Variants in ARF4 observed in about 807,000 individuals in gnomAD.
ARF4 encodes ARF GTPase 4, also known as ADP-ribosylation factor 4.
In ARF4, 5 loss-of-function variants were observed where a neutral mutation model predicts 24.3. The ratio of observed to expected loss-of-function variants is 0.21; its 90% CI spans 0.11 to 0.43. The LOEUF (loss-of-function observed/expected upper bound fraction) is 0.43, where lower values mean the gene tolerates loss of function less well. Among genes scored for constraint, ARF4 ranks in the 20% least tolerant of loss-of-function variants. The pLI is 1.00. For synonymous variants in ARF4, 62 were observed against 73.5 expected (o/e 0.84, Z 0.80); for missense variants, 107 against 213.0 (o/e 0.50, Z 3.10).
chr3:57,577,228 T>C (rs1484354813), intron 4 of ARF4, 88 bp downstream of exon 4: 1 of 1,078,542 alleles, frequency 9.3e-7, no homozygotes, highest in East Asian at 2.4e-5. Flanking sequence ...TTGTGTAATC[T>C]AATCATAGTC....
At chr3:57,585,964 A>T (rs2070032207) in intron 1 of ARF4, among the ~76,000 whole-genome samples, 1 of 152,136 alleles carries the variant, frequency 6.6e-6, no homozygotes, top group African/African-American at 2.4e-5. Flanking sequence ...GTCCGGCCTA[A>T]ATTCTTAAAA....
intron 1 of ARF4, among the ~76,000 whole-genome samples, chr3:57,591,606 A>G (rs1029864948): frequency 2.6e-5 from 4 of 151,984 alleles, no homozygotes; most frequent in African/African-American, 9.7e-5. Context: ...TGCTGGGACT[A>G]CAGGTATCTG....
chr3:57,595,591 T>G (rs182838896), intron 1 of ARF4, among the ~76,000 whole-genome samples: 5 of 152,354 alleles, frequency 3.3e-5, no homozygotes, highest in Admixed American at 1.3e-4. Context: ...ACTGTTACTC[T>G]TTATATACCT....
intron 1 of ARF4, among the ~76,000 whole-genome samples, chr3:57,587,234 G>C (rs532905768): frequency 1.3e-5 from 2 of 149,690 alleles, no homozygotes; most frequent in African/African-American, 4.9e-5. Context: ...CAGGAGACTC[G>C]CTTGAACCCA....
At chr3:57,579,094 C>T (rs757493448) in intron 3 of ARF4, among the ~76,000 whole-genome samples, 3 of 151,510 alleles carry the variant, frequency 2.0e-5, no homozygotes, top group Non-Finnish European at 4.4e-5. Context: ...ATCAGGAGTT[C>T]GAGATCAGCC....
At chr3:57,592,435 C>A (rs2153409443) in intron 1 of ARF4, among the ~76,000 whole-genome samples, 1 of 152,212 alleles carries the variant, frequency 6.6e-6, no homozygotes, top group Middle Eastern at 3.4e-3. Flanking sequence ...TTGCAGTGAC[C>A]TGAGATTGCA....
intron 1 of ARF4, among the ~76,000 whole-genome samples, chr3:57,592,722 A>G (rs1241940099): frequency 6.6e-6 from 1 of 152,196 alleles, no homozygotes; most frequent in East Asian, 1.9e-4. Context: ...CAGTGGCATG[A>G]AACAGGATTT....
intron 1 of ARF4, among the ~76,000 whole-genome samples, chr3:57,587,106 G>T (rs1239724029): frequency 6.6e-6 from 1 of 151,910 alleles, no homozygotes; most frequent in African/African-American, 2.4e-5. Flanking sequence ...ATCACCTGAG[G>T]CCAGGAGTTT....
intron 3 of ARF4, among the ~76,000 whole-genome samples, chr3:57,583,126 T>C (rs1231186434): frequency 1.3e-5 from 2 of 152,318 alleles, no homozygotes; most frequent in African/African-American, 4.8e-5. Context: ...TGCTGTGCTG[T>C]AAGATACCAG....
intron 1 of ARF4, among the ~76,000 whole-genome samples, chr3:57,595,732 T>C (rs2070173040): frequency 6.6e-6 from 1 of 152,092 alleles, no homozygotes; most frequent in Non-Finnish European, 1.5e-5. Context: ...GTGGATCACC[T>C]GAGGTGAGGA....
chr3:57,577,557 GTTTAA>G (rs750858854), intron 3 of ARF4, among the ~76,000 whole-genome samples, 170 bp from the exon 4 acceptor site: 4 of 152,140 alleles, frequency 2.6e-5, no homozygotes, highest in African/African-American at 7.2e-5. Context: ...CTATTTGTAA[GTTTAA>G]TTTATTAGTG....
chr3:57,574,915 C>T (rs1322997381), intron 5 of ARF4, among the ~76,000 whole-genome samples: 1 of 150,722 alleles, frequency 6.6e-6, no homozygotes, highest in East Asian at 2.0e-4. Context: ...GTGGCGCGAT[C>T]GCGACTCACC....
intron 1 of ARF4, chr3:57,596,710 C>T (rs2070191259): frequency 8.3e-6 from 2 of 241,678 alleles, no homozygotes; most frequent in South Asian, 4.6e-5. Flanking sequence ...CACACCCGGG[C>T]AAGAAGGTAT....
At chr3:57,589,056 C>G (rs1246126599) in intron 1 of ARF4, among the ~76,000 whole-genome samples, 1 of 151,172 alleles carries the variant, frequency 6.6e-6, no homozygotes, top group East Asian at 2.0e-4. Flanking sequence ...GAGCTGAGAT[C>G]GCGCCATTAC....
intron 1 of ARF4, among the ~76,000 whole-genome samples, chr3:57,589,716 T>C (rs1343987829): frequency 1.3e-5 from 2 of 150,772 alleles, no homozygotes; most frequent in African/African-American, 4.9e-5. Context: ...AGACTCCGTC[T>C]CAAAAAAACA....
chr3:57,579,253 C>CAAAAAAAAAA (rs764058520), intron 3 of ARF4, among the ~76,000 whole-genome samples: 1 of 47,606 alleles, frequency 2.1e-5, no homozygotes. Flanking sequence ...AACTACATCT[C>CAAAAAAAAAA]AAAAAAAAAA....
Position 57,571,998 on chromosome 3 carries a change from T to C in ARF4, c.*214A>G. 2.1e-6 allele frequency: 1 copy of C among 478,822 alleles called. No homozygotes were observed. The highest frequency in any genetic ancestry group is 3.7e-6 in the Non-Finnish European group (1 of 267,422). 29.7% of individuals were successfully genotyped at this position (478,822 alleles called of 1,614,324 possible). On this transcript the variant is annotated 3_prime_UTR_variant, in exon 6 of 6. Transcript: ENST00000303436. The stretch of plus-strand genomic sequence containing the variant: ...TATGGGAAGTAAAATTAAAAGAGGA[T>C]ACTTTTTTCCCAAGGAGAATTTCTT...
intron 1 of ARF4, among the ~76,000 whole-genome samples, chr3:57,594,321 AATGTGATCC>A (rs1334106033): frequency 6.6e-6 from 1 of 152,176 alleles, no homozygotes; most frequent in Admixed American, 6.5e-5. Flanking sequence ...GGCTGGCCTC[AATGTGATCC>A]TCCCAACCTG....
At chr3:57,583,832 A>C in intron 3 of ARF4, 66 bp downstream of exon 3, 5 of 1,085,442 alleles carry the variant, frequency 4.6e-6, no homozygotes, top group Non-Finnish European at 6.9e-6. Context: ...AATACTAGAT[A>C]CTAATAAAAA....
Sources: gnomAD v4.1 joint callset for allele counts (sites outside exome capture counted in the v4.1 genomes callset) on GRCh38, gnomAD v4.1.1 for gene constraint, MANE v1.5 for transcripts, NCBI Gene and HGNC (gene_info 2026-07-23, HGNC 2026-07-21) for gene names.